The following DAPL1 variants were observed in gnomAD, a reference collection of about 807,000 sequenced individuals.
The protein encoded by DAPL1 is death-associated protein-like 1.
Under a neutral mutation model 12.9 loss-of-function variants are expected in DAPL1, and 17 were observed. The observed-to-expected ratio is 1.32, with a 90% CI of 0.90 to 1.98. DAPL1 has a LOEUF of 1.98. Ranked by LOEUF, DAPL1 falls within the 30% of genes most tolerant of loss-of-function variation. The pLI is 0.00. For synonymous variants in DAPL1, 51 were observed against 42.0 expected (o/e 1.21, Z -0.82); for missense variants, 157 against 125.7 (o/e 1.25, Z -1.19).
intron 1 of DAPL1, among the ~76,000 whole-genome samples, chr2:158,797,066 A>C (rs1013378234): frequency 6.6e-6 from 1 of 152,198 alleles, no homozygotes; most frequent in African/African-American, 2.4e-5. Flanking sequence ...AAGTGCCAAA[A>C]TTCTGTTAAT....
chr2:158,806,650 C>T (rs1041404318), intron 2 of DAPL1, among the ~76,000 whole-genome samples: 1 of 151,880 alleles, frequency 6.6e-6, no homozygotes, highest in Non-Finnish European at 1.5e-5. Flanking sequence ...GCCTGGCTAA[C>T]ATGGTGAAAC....
At chr2:158,813,594 C>A (rs1419684948) in intron 3 of DAPL1, among the ~76,000 whole-genome samples, 2 of 142,524 alleles carry the variant, frequency 1.4e-5, no homozygotes, top group Non-Finnish European at 3.0e-5. Flanking sequence ...CTTGCTCTGT[C>A]GCCCAGGCTG....
chr2:158,813,953 C>A (rs2059246932), intron 3 of DAPL1, among the ~76,000 whole-genome samples: 1 of 152,148 alleles, frequency 6.6e-6, no homozygotes, highest in Non-Finnish European at 1.5e-5. Context: ...CCAACTTGTC[C>A]TCTTACCCTC....
intron 2 of DAPL1, among the ~76,000 whole-genome samples, chr2:158,806,838 G>GAAA (rs542863747): frequency 2.4e-5 from 3 of 123,228 alleles, no homozygotes; most frequent in African/African-American, 5.9e-5. Flanking sequence ...CTGTGTCTCA[G>GAAA]AAAAAAAAAA....
chr2:158,803,890 A>C (rs1575226416), intron 1 of DAPL1, among the ~76,000 whole-genome samples: 1 of 152,276 alleles, frequency 6.6e-6, no homozygotes, highest in Non-Finnish European at 1.5e-5. Flanking sequence ...GCACAACTTT[A>C]ATCTGGTGGG....
chr2:158,796,029 G>GTGTT (rs1190449584), intron 1 of DAPL1, among the ~76,000 whole-genome samples: 3 of 152,138 alleles, frequency 2.0e-5, no homozygotes, highest in Non-Finnish European at 2.9e-5. Flanking sequence ...AGCTGTCAAG[G>GTGTT]TGTTTGCAAA....
chr2:158,800,260 G>T (rs1467087390), intron 1 of DAPL1, among the ~76,000 whole-genome samples: 2 of 151,962 alleles, frequency 1.3e-5, no homozygotes, highest in African/African-American at 2.4e-5. Context: ...CATGACAAAA[G>T]AACTTCTTTC....
At chr2:158,796,047 T>G (rs2059132706) in intron 1 of DAPL1, among the ~76,000 whole-genome samples, 1 of 152,206 alleles carries the variant, frequency 6.6e-6, no homozygotes, top group South Asian at 2.1e-4. Context: ...AAAGCATCCA[T>G]AGTTGTCTTT....
At position 158,802,623 on chromosome 2, in the gene DAPL1, C is replaced by G. The variant is rs72995160; in HGVS notation, c.59-1659C>G. Among the ~76,000 whole-genome samples the G allele has an allele frequency of 3.9e-3, 600 of 152,290 alleles. 1 individual carries two copies. Among genetic ancestry groups the G allele is most frequent in the African/African-American group, 0.014 (587 of 41,562 alleles). ...AAATCTTGTCATGTTGTCTGCTCACCTGCATGTAGTCACAGTTTAGTCTTT... is the reference window on the plus strand; with the variant it reads ...AAATCTTGTCATGTTGTCTGCTCACGTGCATGTAGTCACAGTTTAGTCTTT... On this transcript the variant is annotated intron_variant, in intron 1 of 3. Transcript: ENST00000309950.
At chr2:158,812,592 G>A (rs746896231) in intron 3 of DAPL1, among the ~76,000 whole-genome samples, 11 of 152,080 alleles carry the variant, frequency 7.2e-5, no homozygotes, top group African/African-American at 1.2e-4. Flanking sequence ...TCAGGAGTTC[G>A]AGACCAGCCT....
intron 3 of DAPL1, among the ~76,000 whole-genome samples, chr2:158,808,634 A>G (rs536640632): frequency 6.6e-6 from 1 of 152,316 alleles, no homozygotes; most frequent in African/African-American, 2.4e-5. Flanking sequence ...GGGTGAAGTC[A>G]TAAGTGACTC....
chr2:158,807,416 G>A (rs1182482658), intron 3 of DAPL1, among the ~76,000 whole-genome samples: 4 of 152,188 alleles, frequency 2.6e-5, no homozygotes, highest in Non-Finnish European at 4.4e-5. Flanking sequence ...TGGAAACATT[G>A]GCATGTTTTT....
chr2:158,797,623 C>T (rs2059141646), intron 1 of DAPL1, among the ~76,000 whole-genome samples: 1 of 152,150 alleles, frequency 6.6e-6, no homozygotes, highest in African/African-American at 2.4e-5. Context: ...GAAACTCCAT[C>T]TCTATTAAAA....
intron 3 of DAPL1, 99 bp downstream of exon 3, chr2:158,807,214 C>A: frequency 2.4e-6 from 2 of 838,016 alleles, no homozygotes; most frequent in Non-Finnish European, 3.6e-6. Flanking sequence ...TTTTTTCCAA[C>A]CCAGAGGTTT....
At chr2:158,801,410 A>G (rs545220584) in intron 1 of DAPL1, among the ~76,000 whole-genome samples, 1 of 152,346 alleles carries the variant, frequency 6.6e-6, no homozygotes, top group East Asian at 1.9e-4. Flanking sequence ...ACCATCTCCC[A>G]TACAGAGGCA....
intron 2 of DAPL1, among the ~76,000 whole-genome samples, chr2:158,806,340 G>T (rs746054221): frequency 5.7e-5 from 7 of 122,352 alleles, no homozygotes; most frequent in Admixed American, 3.3e-4. Context: ...AGAGAAAGAA[G>T]CCAGATGCAA....
chr2:158,795,320 G>C lies in DAPL1; in HGVS notation c.-53G>C. 6.5e-7 allele frequency: 1 copy of C among 1,549,510 alleles called. No individual in the cohort carries two copies. Among genetic ancestry groups the C allele is most frequent in the Non-Finnish European group, 8.7e-7 (1 of 1,145,106 alleles). On this transcript the variant is annotated 5_prime_UTR_variant, in exon 1 of 4. Transcript: ENST00000309950. ...CCGGTGCGGTGGTGGGGCAGCCACAGCTGGCATTCAGCCTCCAGAGCACCA... is the reference window on the plus strand; with the variant it reads ...CCGGTGCGGTGGTGGGGCAGCCACACCTGGCATTCAGCCTCCAGAGCACCA...
At chr2:158,814,557 A>G (rs2059250203) in intron 3 of DAPL1, among the ~76,000 whole-genome samples, 1 of 152,216 alleles carries the variant, frequency 6.6e-6, no homozygotes, top group Admixed American at 6.5e-5. Flanking sequence ...AGTGTGTTTA[A>G]TTTTTTAAAA....
At chr2:158,809,055 G>A (rs1308093957) in intron 3 of DAPL1, among the ~76,000 whole-genome samples, 1 of 152,060 alleles carries the variant, frequency 6.6e-6, no homozygotes, top group African/African-American at 2.4e-5. Context: ...TTGAGATGGT[G>A]TGCTGTTAGA....
Sources: allele counts gnomAD v4.1 joint callset (sites outside exome capture counted in the v4.1 genomes callset), GRCh38; gene constraint gnomAD v4.1.1; transcripts MANE v1.5; gene names NCBI Gene and HGNC (gene_info 2026-07-23, HGNC 2026-07-21).